Variants in PLXNA4 observed in about 807,000 individuals in gnomAD.
The protein encoded by PLXNA4 is plexin-A4.
In PLXNA4, 44 loss-of-function variants were observed where a neutral mutation model predicts 191.8. That is an observed-to-expected ratio of 0.23 (90% CI 0.18 to 0.29). PLXNA4 has a LOEUF of 0.29. Ranked by LOEUF, PLXNA4 falls within the 10% of genes least tolerant of loss-of-function variation. PLXNA4 has a pLI of 1.00. For synonymous variants in PLXNA4, 1,082 were observed against 1,009.5 expected (o/e 1.07, Z -1.36); for missense variants, 1,800 against 2,488.8 (o/e 0.72, Z 5.89).
Position 132,508,475 on chromosome 7 carries a change from C to T in PLXNA4, c.219G>A (p.Lys73=). 1 of 1,614,198 alleles carries T rather than the reference C, an allele frequency of 6.2e-7. No homozygotes were observed. Among genetic ancestry groups the T allele is most frequent in the Non-Finnish European group, 8.5e-7 (1 of 1,180,034 alleles). Reference sequence around the variant, plus strand: ...CCAAGACCTTCAGGTCGCTGGAGAGCTTGTAAATCCGATTGACGGCCCCCA... The same window carrying T: ...CCAAGACCTTCAGGTCGCTGGAGAGTTTGTAAATCCGATTGACGGCCCCCA... ...IYLGAVNRIY[K]LSSDLKVLVT... Residue 73 remains lysine (K), a synonymous_variant, in exon 2 of 32, where the codon AAG becomes AAA. Transcript: ENST00000321063. The surrounding 1 kb of genome is among the most constrained non-coding windows in gnomAD (Gnocchi z 4.4).
intron 3 of PLXNA4, among the ~76,000 whole-genome samples, chr7:132,439,845 A>G (rs1045715453): frequency 2.0e-5 from 3 of 152,158 alleles, no homozygotes; most frequent in African/African-American, 7.2e-5. Flanking sequence ...ACTACTAGAG[A>G]GAGAAGCACC....
intron 2 of PLXNA4, among the ~76,000 whole-genome samples, chr7:132,614,155 A>T (rs917855505): frequency 3.9e-5 from 6 of 152,286 alleles, no homozygotes; most frequent in Admixed American, 3.9e-4. Context: ...TTAACTTTTT[A>T]AAATTACATT....
At chr7:132,569,673 GC>G (rs1395694624) in intron 1 of PLXNA4, among the ~76,000 whole-genome samples, 1 of 152,168 alleles carries the variant, frequency 6.6e-6, no homozygotes, top group African/African-American at 2.4e-5. Flanking sequence ...CCAAAGCCTA[GC>G]TTTTTCCACA....
At chr7:132,146,484 C>T (rs1795437934) in intron 28 of PLXNA4, 26 bp downstream of exon 28, 2 of 1,614,172 alleles carry the variant, frequency 1.2e-6, no homozygotes, top group South Asian at 1.1e-5. Context: ...TCTGGGCTCC[C>T]TGCACCCAGT....
intron 6 of PLXNA4, 38 bp from the exon 7 acceptor site, chr7:132,227,642 TGAA>T: frequency 6.2e-7 from 1 of 1,610,296 alleles, no homozygotes; most frequent in Non-Finnish European, 8.5e-7. Context: ...AGGAGGAGGG[TGAA>T]ATGGGAAAAG....
chr7:132,334,784 A>T (rs2116714363), intron 3 of PLXNA4, among the ~76,000 whole-genome samples: 1 of 152,306 alleles, frequency 6.6e-6, no homozygotes, highest in Non-Finnish European at 1.5e-5. Flanking sequence ...TATTTCTACC[A>T]ACCTGCCCTC....
intron 2 of PLXNA4, among the ~76,000 whole-genome samples, chr7:132,505,715 G>A (rs1413141365): frequency 1.3e-5 from 2 of 152,104 alleles, no homozygotes; most frequent in Non-Finnish European, 2.9e-5. Context: ...TTAGGCCAAG[G>A]CTCTCTAAAG....
At chr7:132,141,979 C>T (rs1795284147) in intron 29 of PLXNA4, among the ~76,000 whole-genome samples, 1 of 152,204 alleles carries the variant, frequency 6.6e-6, no homozygotes, top group African/African-American at 2.4e-5. Flanking sequence ...ATCTGCCCAC[C>T]TCTGCATCCC....
rs746337787 is a variant in PLXNA4 at position 132,219,656 on chromosome 7, G to GT, written c.2097+3870dup. ...CACAAAATCACCTTTTAATTGGGTA[G>GT]TTTTTTTTTACCCCCTACTCCTGCT... On this transcript the variant is annotated intron_variant, in intron 9 of 31. Coordinates refer to ENST00000321063, the MANE Select transcript of PLXNA4 (RefSeq NM_020911.2). 1.2e-4 allele frequency among the ~76,000 whole-genome samples: 18 copies of GT among 151,644 alleles called. No homozygotes were observed. The South Asian group carries it at 1.3e-3, about 11-fold the overall frequency.
chr7:132,492,951 A>C (rs968273700), intron 2 of PLXNA4, among the ~76,000 whole-genome samples: 7 of 152,198 alleles, frequency 4.6e-5, no homozygotes, highest in African/African-American at 1.7e-4. Context: ...CATGCACTGC[A>C]AACACAGTAT....
Position 132,535,314 on chromosome 7 carries a change from A to C in PLXNA4, c.-86-26535T>G, listed in dbSNP as rs567836534. On this transcript the variant is annotated intron_variant, in intron 1 of 31. Transcript: ENST00000321063. ...ACATGCCAAAAACATCAGAGACCAA[A>C]CGTCATTCCCCAACTTTGTTGAGGG... is the stretch of plus-strand genomic sequence containing the variant. Among the ~76,000 whole-genome samples the C allele has an allele frequency of 2.2e-4, 33 of 152,366 alleles. No homozygotes were observed. The South Asian group carries it at 2.9e-3, about 13-fold the overall frequency.
At chr7:132,197,592 G>C (rs1239003304) in intron 13 of PLXNA4, among the ~76,000 whole-genome samples, 1 of 152,160 alleles carries the variant, frequency 6.6e-6, no homozygotes, top group Admixed American at 6.5e-5. Flanking sequence ...TAACTAAGTG[G>C]TGATGGACCA....
chr7:132,254,219 C>A (rs1163541815), intron 4 of PLXNA4, among the ~76,000 whole-genome samples: 1 of 152,150 alleles, frequency 6.6e-6, no homozygotes, highest in Non-Finnish European at 1.5e-5. Flanking sequence ...CTCAGCTCTG[C>A]CCTTTCCCTA....
At chr7:132,365,121 C>T (rs1193310955) in intron 3 of PLXNA4, among the ~76,000 whole-genome samples, 1 of 152,090 alleles carries the variant, frequency 6.6e-6, no homozygotes, top group African/African-American at 2.4e-5. Flanking sequence ...GGCTTCTCAC[C>T]AAATTTGAAG....
chr7:132,500,119 G>C (rs750980218), intron 2 of PLXNA4, among the ~76,000 whole-genome samples: 17 of 152,204 alleles, frequency 1.1e-4, no homozygotes, highest in Non-Finnish European at 2.1e-4. Flanking sequence ...ACAGCAGCAA[G>C]CACTGGCCCA....
intron 4 of PLXNA4, among the ~76,000 whole-genome samples, chr7:132,289,047 G>A (rs1186913691): frequency 6.6e-6 from 1 of 152,216 alleles, no homozygotes; most frequent in Non-Finnish European, 1.5e-5. Context: ...CTTAGACCAT[G>A]ATACTACCTC....
chr7:132,418,579 T>A (rs1473188110), intron 3 of PLXNA4, among the ~76,000 whole-genome samples: 1 of 152,188 alleles, frequency 6.6e-6, no homozygotes, highest in Non-Finnish European at 1.5e-5. Flanking sequence ...GTTCACAAAC[T>A]CACTGCTTGA....
chr7:132,263,895 T>C (rs569704979), intron 4 of PLXNA4, among the ~76,000 whole-genome samples: 4 of 152,344 alleles, frequency 2.6e-5, no homozygotes, highest in Non-Finnish European at 5.9e-5. Context: ...CATCATTTCA[T>C]TTGCTACCAC....
intron 29 of PLXNA4, among the ~76,000 whole-genome samples, chr7:132,141,751 A>G (rs1356695354): frequency 1.3e-5 from 2 of 151,858 alleles, no homozygotes; most frequent in Admixed American, 6.6e-5. Context: ...CTTTCTTTCA[A>G]TGGAGTTTTG....
Sources: gnomAD v4.1 joint callset for allele counts (sites outside exome capture counted in the v4.1 genomes callset) on GRCh38, gnomAD v4.1.1 for gene constraint, Gnocchi (gnomAD v3.1) non-coding constraint, MANE v1.5 for transcripts, NCBI Gene and HGNC (gene_info 2026-07-23, HGNC 2026-07-21) for gene names.